NR2F1-AS1: variants seen among roughly 807,000 people sequenced by gnomAD.
NR2F1-AS1 encodes NR2F1 antisense RNA 1.
At chr5:93,472,683 C>A (rs17082127) in intron 4 of NR2F1-AS1, among the ~76,000 whole-genome samples, 15,493 of 151,646 alleles carry the variant, frequency 0.1, 869 homozygotes, top group Middle Eastern at 0.16. Flanking sequence ...AAATCACACA[C>A]ACAGAGTGGT....
intron 1 of NR2F1-AS1, among the ~76,000 whole-genome samples, chr5:93,563,784 T>C (rs1752548295): frequency 6.6e-6 from 1 of 152,038 alleles, no homozygotes; most frequent in African/African-American, 2.4e-5. Flanking sequence ...GACAAATAAA[T>C]GTGTTACCTG....
intron 4 of NR2F1-AS1, among the ~76,000 whole-genome samples, chr5:93,465,530 A>T (rs1302142039): frequency 6.6e-6 from 1 of 152,238 alleles, no homozygotes; most frequent in Non-Finnish European, 1.5e-5. Flanking sequence ...TTCCTCAAGG[A>T]TCTAGAATTA....
intron 4 of NR2F1-AS1, among the ~76,000 whole-genome samples, chr5:93,531,652 TTC>T (rs1025170943): frequency 3.9e-5 from 6 of 152,182 alleles, no homozygotes; most frequent in Admixed American, 2.0e-4. Context: ...TCTCTCAACT[TTC>T]TATCATCTAC....
chr5:93,455,783 T>C (rs1333133946), intron 4 of NR2F1-AS1, among the ~76,000 whole-genome samples: 4 of 151,852 alleles, frequency 2.6e-5, no homozygotes, highest in Non-Finnish European at 4.4e-5. Flanking sequence ...TTTCTGGAAA[T>C]GTAGTTTTAA....
At chr5:93,494,848 C>T (rs1750925042) in intron 4 of NR2F1-AS1, among the ~76,000 whole-genome samples, 1 of 152,062 alleles carries the variant, frequency 6.6e-6, no homozygotes, top group African/African-American at 2.4e-5. Context: ...AGCTCAAATG[C>T]CCATCAGTGG....
chr5:93,474,862 C>T (rs1352877539), intron 4 of NR2F1-AS1, among the ~76,000 whole-genome samples: 5 of 152,262 alleles, frequency 3.3e-5, no homozygotes, highest in South Asian at 4.1e-4. Context: ...CGGTGGCTCA[C>T]GCCTGTAAAT....
intron 4 of NR2F1-AS1, among the ~76,000 whole-genome samples, chr5:93,516,769 A>T (rs1196426203): frequency 6.6e-6 from 1 of 151,956 alleles, no homozygotes; most frequent in Non-Finnish European, 1.5e-5. Context: ...TAGTGGCAAC[A>T]CCAAATATTA....
At position 93,579,726 on chromosome 5, in the gene NR2F1-AS1, A is replaced by C. The variant is rs2149935058; in HGVS notation, n.313+741T>G. ...TTTAATTGAGCCTCTTCCTTTCAAC[A>C]CACCCCCTCTGTCCCCACCCCTGGG... is the stretch of plus-strand genomic sequence containing the variant. On this transcript the variant is annotated intron_variant and non_coding_transcript_variant, in intron 1 of 5. Transcript: ENST00000660523. This position sits in a 1 kb window ranked among gnomAD's most constrained non-coding sequence, Gnocchi z 5.1. 6.6e-6 allele frequency among the ~76,000 whole-genome samples: 1 copy of C among 150,418 alleles called. No homozygotes were observed. Among genetic ancestry groups the C allele is most frequent in the Non-Finnish European group, 1.5e-5 (1 of 67,646 alleles).
intron 4 of NR2F1-AS1, among the ~76,000 whole-genome samples, chr5:93,454,168 C>A (rs969905323): frequency 2.0e-5 from 3 of 152,066 alleles, no homozygotes; most frequent in Admixed American, 1.3e-4. Context: ...GTAGTCCCAG[C>A]TACTCAGGAG....
intron 4 of NR2F1-AS1, among the ~76,000 whole-genome samples, chr5:93,494,146 T>C (rs1750909959): frequency 6.6e-6 from 1 of 152,016 alleles, no homozygotes. Context: ...CCATTACAAC[T>C]CAACAACAAA....
intron 4 of NR2F1-AS1, among the ~76,000 whole-genome samples, chr5:93,470,488 A>G (rs1404310410): frequency 1.3e-5 from 2 of 151,886 alleles, no homozygotes; most frequent in East Asian, 1.9e-4. Flanking sequence ...CAAGAGAAAA[A>G]TATCTAAACA....
intron 1 of NR2F1-AS1, among the ~76,000 whole-genome samples, chr5:93,575,083 A>G (rs1181639789): frequency 6.6e-6 from 1 of 152,262 alleles, no homozygotes; most frequent in East Asian, 1.9e-4. Flanking sequence ...CCAGAGGAAG[A>G]GAGGTTGGCA....
intron 4 of NR2F1-AS1, among the ~76,000 whole-genome samples, chr5:93,472,769 A>G (rs1750396329): frequency 6.6e-6 from 1 of 151,948 alleles, no homozygotes; most frequent in African/African-American, 2.4e-5. Context: ...GAATGTTTCC[A>G]TTTTAACTCT....
At chr5:93,515,954 A>C (rs1751393037) in intron 4 of NR2F1-AS1, among the ~76,000 whole-genome samples, 1 of 151,932 alleles carries the variant, frequency 6.6e-6, no homozygotes, top group Non-Finnish European at 1.5e-5. Context: ...CATAGTAAGA[A>C]CAGAAATTAA....
chr5:93,573,982 C>G (rs1752836841), intron 1 of NR2F1-AS1, among the ~76,000 whole-genome samples: 1 of 152,180 alleles, frequency 6.6e-6, no homozygotes, highest in Admixed American at 6.5e-5. Flanking sequence ...AAGCAATTAC[C>G]CATCGTTGGA....
intron 4 of NR2F1-AS1, among the ~76,000 whole-genome samples, chr5:93,491,213 G>T (rs1306168474): frequency 2.0e-5 from 3 of 150,992 alleles, no homozygotes; most frequent in Non-Finnish European, 4.4e-5. Context: ...TCCCGGTAAT[G>T]GTGGTATTGA....
At chr5:93,524,862 A>G (rs902627463) in intron 4 of NR2F1-AS1, among the ~76,000 whole-genome samples, 1 of 152,230 alleles carries the variant, frequency 6.6e-6, no homozygotes, top group Admixed American at 6.5e-5. Context: ...AGGAAGCACT[A>G]AACATGGTAA....
upstream of NR2F1-AS1, among the ~76,000 whole-genome samples, chr5:93,581,730 CTCT>C (rs1753055625): frequency 4.0e-5 from 2 of 50,228 alleles, no homozygotes; most frequent in Non-Finnish European, 3.9e-5. Context: ...CTCTCTCTCT[CTCT>C]CCCCCTCTCC....
chr5:93,536,040 GA>G (rs1751830436), intron 4 of NR2F1-AS1, among the ~76,000 whole-genome samples: 1 of 151,952 alleles, frequency 6.6e-6, no homozygotes, highest in Non-Finnish European at 1.5e-5. Flanking sequence ...CTTATATATA[GA>G]AAACCCTAAA....
Sources: allele counts gnomAD v4.1 joint callset (sites outside exome capture counted in the v4.1 genomes callset), GRCh38; gene constraint gnomAD v4.1.1; non-coding constraint Gnocchi (gnomAD v3.1); transcripts MANE v1.5; gene names NCBI Gene and HGNC (gene_info 2026-07-23, HGNC 2026-07-21).